DYRK1A: variants seen among roughly 807,000 people sequenced by gnomAD.
The protein encoded by DYRK1A is dual specificity tyrosine phosphorylation regulated kinase 1A, also known as dual specificity tyrosine-phosphorylation-regulated kinase 1A.
DYRK1A carries 9 observed loss-of-function variants against 79.7 expected under a neutral mutation model. That is an observed-to-expected ratio of 0.11 (90% CI 0.07 to 0.20). The LOEUF is 0.20. Ranked by LOEUF, DYRK1A falls within the 10% of genes least tolerant of loss-of-function variation. The pLI, the probability that DYRK1A is intolerant of heterozygous loss-of-function variation, is 1.00. For synonymous variants in DYRK1A, 349 were observed against 329.7 expected, an observed-to-expected ratio of 1.06 and a Z score of -0.63; for missense variants, 622 against 956.0, an observed-to-expected ratio of 0.65 and a Z score of 4.61.
At chr21:37,455,880 T>C (rs142403420) in intron 2 of DYRK1A, among the ~76,000 whole-genome samples, 1 of 152,290 alleles carries the variant, frequency 6.6e-6, no homozygotes, top group Non-Finnish European at 1.5e-5. Context: ...AGGTATGGAT[T>C]TAATTGATTT....
chr21:37,417,110 G>C (rs987187602), intron 1 of DYRK1A, among the ~76,000 whole-genome samples: 1 of 152,048 alleles, frequency 6.6e-6, no homozygotes, highest in Non-Finnish European at 1.5e-5. Flanking sequence ...ATTAGCTCCT[G>C]GGTTAGTCTG....
chr21:37,431,982 C>A (rs1389492609), intron 2 of DYRK1A, among the ~76,000 whole-genome samples: 1 of 152,090 alleles, frequency 6.6e-6, no homozygotes, highest in Admixed American at 6.6e-5. Flanking sequence ...TGGATAAGTA[C>A]AGTACAAAAA....
At chr21:37,414,681 A>G (rs1048969821) in intron 1 of DYRK1A, among the ~76,000 whole-genome samples, 2 of 152,156 alleles carry the variant, frequency 1.3e-5, no homozygotes, top group African/African-American at 2.4e-5. Flanking sequence ...CTAGGTCTGC[A>G]TGTGATAGGG....
At chr21:37,466,132 A>G (rs954853541) in intron 2 of DYRK1A, among the ~76,000 whole-genome samples, 51 of 152,228 alleles carry the variant, frequency 3.4e-4, no homozygotes, top group African/African-American at 1.2e-3. Flanking sequence ...ATTCTTTCAT[A>G]GCTATCTGGA....
At chr21:37,430,505 G>T in intron 2 of DYRK1A, 1 of 767,876 alleles carries the variant, frequency 1.3e-6, no homozygotes, top group Non-Finnish European at 1.6e-6. Context: ...CAAATACCTG[G>T]GAACCCTTGT....
intron 9 of DYRK1A, among the ~76,000 whole-genome samples, chr21:37,499,558 G>C (rs1309862770): frequency 6.6e-6 from 1 of 152,014 alleles, no homozygotes; most frequent in African/African-American, 2.4e-5. Context: ...TGTAAAGATG[G>C]GTTATCTCTC....
intron 2 of DYRK1A, among the ~76,000 whole-genome samples, chr21:37,448,072 A>G (rs1233425116): frequency 2.6e-5 from 4 of 152,156 alleles, no homozygotes; most frequent in African/African-American, 9.7e-5. Flanking sequence ...AAAATCTGCT[A>G]TATTTTAGAC....
At chr21:37,395,561 A>G (rs2049945794) in intron 1 of DYRK1A, among the ~76,000 whole-genome samples, 1 of 152,162 alleles carries the variant, frequency 6.6e-6, no homozygotes, top group Non-Finnish European at 1.5e-5. Flanking sequence ...TAATTTATTG[A>G]ATTAAATTTA....
chr21:37,472,860 C>A lies in DYRK1A; in HGVS notation c.187C>A (p.Gln63Lys), dbSNP rs373178770. ...VSALSYSDQIQQPLTNQRRMP... is the reference protein window; with the variant it reads ...VSALSYSDQIKQPLTNQRRMP... ...TGCCTTATCATATTCTGACCAGATT[C>A]AGCAACCTCTAACTAACCAGGTAAG... The change falls in exon 3 of 12, where the codon CAG becomes AAG. Residue 63 changes from glutamine (Q) to lysine (K), a missense_variant. Coordinates refer to ENST00000647188, the MANE Select transcript of DYRK1A (RefSeq NM_001347721.2). 6.3e-7 allele frequency: 1 copy of A among 1,585,368 alleles called. No individual in the cohort carries two copies. The highest frequency in any genetic ancestry group is 8.6e-7 in the Non-Finnish European group (1 of 1,161,062).
intron 1 of DYRK1A, among the ~76,000 whole-genome samples, chr21:37,389,569 C>T (rs1194000081): frequency 6.6e-6 from 1 of 152,018 alleles, no homozygotes; most frequent in Non-Finnish European, 1.5e-5. Flanking sequence ...TCTCAGTTTC[C>T]TCTGGATTCC....
chr21:37,407,553 T>C (rs1222272481), intron 1 of DYRK1A, among the ~76,000 whole-genome samples: 1 of 152,216 alleles, frequency 6.6e-6, no homozygotes, highest in Non-Finnish European at 1.5e-5. Flanking sequence ...TACTTTCAGA[T>C]ACTCATAAGT....
At chr21:37,467,541 G>A (rs1018666872) in intron 2 of DYRK1A, among the ~76,000 whole-genome samples, 2 of 152,180 alleles carry the variant, frequency 1.3e-5, no homozygotes, top group East Asian at 3.9e-4. Context: ...AAGGAAAGTC[G>A]TTTATCATTT....
At chr21:37,476,830 C>A (rs1261755935) in intron 3 of DYRK1A, among the ~76,000 whole-genome samples, 1 of 148,112 alleles carries the variant, frequency 6.8e-6, no homozygotes, top group African/African-American at 2.5e-5. Context: ...CCCCCCCCCC[C>A]AACCTTATTT....
At chr21:37,394,573 C>T (rs2049927768) in intron 1 of DYRK1A, among the ~76,000 whole-genome samples, 1 of 152,124 alleles carries the variant, frequency 6.6e-6, no homozygotes, top group Non-Finnish European at 1.5e-5. Flanking sequence ...ATCATTTCTG[C>T]CTGAGCTCTG....
Position 37,512,115 on chromosome 21 carries a change from A to C in DYRK1A, c.1849A>C (p.Asn617His), listed in dbSNP as rs1450268494. The C allele has an allele frequency of 1.2e-6, 2 of 1,614,054 alleles. No homozygotes were observed. The highest frequency in any genetic ancestry group is 2.7e-5 in the African/African-American group (2 of 74,918). ...HHHHGQQALG[N>H]RTRPRVYNSP... ...CCACCATGGACAACAAGCCTTGGGT[A>C]ACCGGACCAGGCCAAGGGTCTACAA... Residue 617 changes from asparagine to histidine, a missense_variant, in exon 12 of 12, where the codon AAC (asparagine) becomes CAC (histidine). Physicochemically the swap from Asn to His is moderately conservative, Grantham distance 68. Around this residue, in one of 5 missense-constraint regions of DYRK1A, gnomAD observed 292 missense variants for 316.7 expected, o/e 0.92. Coordinates refer to ENST00000647188, the MANE Select transcript of DYRK1A (RefSeq NM_001347721.2).
chr21:37,490,354 A>G lies in DYRK1A; in HGVS notation c.817A>G (p.Ser273Gly). The G allele has an allele frequency of 1.9e-6, 3 of 1,613,812 alleles. No individual in the cohort carries two copies. Among genetic ancestry groups the G allele is most frequent in the Non-Finnish European group, 2.5e-6 (3 of 1,179,748 alleles). The change falls in exon 7 of 12, where the codon AGT becomes GGT. Residue 273 changes from serine (S) to glycine (G), a missense_variant. Physicochemically the swap from Ser to Gly is moderately conservative, Grantham distance 56 (BLOSUM62 0). Coordinates refer to ENST00000647188, the MANE Select transcript of DYRK1A (RefSeq NM_001347721.2). Reference sequence around the variant, plus strand: ...GCTTTTCCTTGCGACTCCAGAACTTAGTATCATTCACTGTGATCTAAAACC... The same window carrying G: ...GCTTTTCCTTGCGACTCCAGAACTTGGTATCATTCACTGTGATCTAAAACC... Reference protein sequence around the residue: ...ALLFLATPELSIIHCDLKPEN... With the variant: ...ALLFLATPELGIIHCDLKPEN...
chr21:37,390,364 T>G (rs2049847121), intron 1 of DYRK1A, among the ~76,000 whole-genome samples: 2 of 152,210 alleles, frequency 1.3e-5, no homozygotes, highest in African/African-American at 4.8e-5. Context: ...AAGTCCATTA[T>G]TTGAAAACTG....
At chr21:37,488,180 ATAT>A (rs1047957020) in intron 6 of DYRK1A, 22 of 187,250 alleles carry the variant, frequency 1.2e-4, no homozygotes, top group African/African-American at 2.9e-4. Context: ...ATTAATGATC[ATAT>A]TATTAATTGT....
intron 2 of DYRK1A, among the ~76,000 whole-genome samples, chr21:37,453,317 C>T (rs1370411208): frequency 1.3e-5 from 2 of 152,080 alleles, no homozygotes; most frequent in Non-Finnish European, 2.9e-5. Flanking sequence ...ATTCAGTAGC[C>T]ACATATGACT....
Sources: allele counts gnomAD v4.1 joint callset (sites outside exome capture counted in the v4.1 genomes callset), GRCh38; gene constraint gnomAD v4.1.1; regional missense constraint gnomAD v4.1.1; transcripts MANE v1.5; gene names NCBI Gene and HGNC (gene_info 2026-07-23, HGNC 2026-07-21).